Variants in GRIK2 observed in about 807,000 individuals in gnomAD.
GRIK2 encodes glutamate receptor ionotropic, kainate 2.
A neutral mutation model predicts 100.3 loss-of-function variants in GRIK2; 32 were observed. That is an observed-to-expected ratio of 0.32 (90% CI 0.24 to 0.43). The LOEUF is 0.43. Ranked by LOEUF, GRIK2 falls within the 20% of genes least tolerant of loss-of-function variation. The probability of loss-of-function intolerance (pLI) is 1.00; values close to 1 mark genes in which losing one functional copy is unlikely to be tolerated. For synonymous variants in GRIK2, 417 were observed against 389.4 expected (o/e 1.07, Z -0.83); for missense variants, 843 against 1,114.9 (o/e 0.76, Z 3.47).
At chr6:101,672,071 G>A (rs1268062153) in intron 4 of GRIK2, among the ~76,000 whole-genome samples, 2 of 152,054 alleles carry the variant, frequency 1.3e-5, no homozygotes, top group African/African-American at 2.4e-5. Context: ...AAGGGTATTA[G>A]ATATGGCTAG....
intron 2 of GRIK2, among the ~76,000 whole-genome samples, chr6:101,598,135 A>G (rs942914197): frequency 6.6e-6 from 1 of 151,714 alleles, no homozygotes; most frequent in Non-Finnish European, 1.5e-5. Flanking sequence ...AGTCATTTGG[A>G]TAATGCTCTC....
Position 101,477,986 on chromosome 6 carries a change from CACTACATGAA to C in GRIK2, c.115+78598_115+78607del, listed in dbSNP as rs1445601549. 2.0e-5 allele frequency among the ~76,000 whole-genome samples: 3 copies of C among 152,228 alleles called. No individual in the cohort carries two copies. In the East Asian group the frequency reaches 5.8e-4, roughly 29 times the overall value. On this transcript the variant is annotated intron_variant, in intron 2 of 16. Transcript: ENST00000369134. ...TGAAACATATACTGTCTGTGCCAGA[CACTACATGAA>C]ACTTAAGTTTAGATGGCTCAGTGAG...
intron 7 of GRIK2, among the ~76,000 whole-genome samples, chr6:101,710,251 G>T (rs1049386739): frequency 2.6e-5 from 4 of 151,766 alleles, no homozygotes; most frequent in Non-Finnish European, 5.9e-5. Flanking sequence ...GGCAGTAAAG[G>T]TGAGATGGAA....
At chr6:101,545,874 A>G (rs2128290273) in intron 2 of GRIK2, among the ~76,000 whole-genome samples, 1 of 151,890 alleles carries the variant, frequency 6.6e-6, no homozygotes, top group East Asian at 1.9e-4. Flanking sequence ...TTGATTTCTT[A>G]CTTTAACTCC....
chr6:101,751,286 AT>A (rs1442224966), intron 7 of GRIK2, among the ~76,000 whole-genome samples: 1 of 151,872 alleles, frequency 6.6e-6, no homozygotes, highest in Non-Finnish European at 1.5e-5. Context: ...ATTATGGGGA[AT>A]TTTAAATATG....
At chr6:101,963,509 C>T (rs373987224) in intron 14 of GRIK2, among the ~76,000 whole-genome samples, 45 of 106,054 alleles carry the variant, frequency 4.2e-4, no homozygotes, top group East Asian at 5.5e-4. Flanking sequence ...TTCTTTCTTT[C>T]TTTTTTTTTT....
intron 9 of GRIK2, among the ~76,000 whole-genome samples, chr6:101,808,817 C>T (rs908580135): frequency 1.3e-5 from 2 of 151,460 alleles, no homozygotes; most frequent in Admixed American, 6.6e-5. Context: ...TGCTGAGGGA[C>T]CTTGAAGCAT....
intron 2 of GRIK2, among the ~76,000 whole-genome samples, chr6:101,614,499 G>GA: frequency 6.6e-6 from 1 of 151,284 alleles, no homozygotes; most frequent in Non-Finnish European, 1.5e-5. Context: ...TGCCTAAGGA[G>GA]AAAAAAATGA....
Position 101,762,141 on chromosome 6 carries a change from C to T in GRIK2, c.952-37507C>T, listed in dbSNP as rs1457422211. ...CCTCCCTTCCTTTCCTTCCTCCCTC[C>T]CTTCCTCTTCCTCTGTCTCTGTCTC... On this transcript the variant is annotated intron_variant, in intron 7 of 16. Transcript: ENST00000369134. 3.2e-4 allele frequency among the ~76,000 whole-genome samples: 44 copies of T among 137,936 alleles called. 1 individual carries two copies. The highest frequency in any genetic ancestry group is 1.3e-3 in the African/African-American group (42 of 32,140). 90.5% of individuals were successfully genotyped at this position (137,936 alleles called of 152,430 possible).
chr6:101,980,168 A>G (rs1452123181), intron 14 of GRIK2, among the ~76,000 whole-genome samples: 1 of 151,958 alleles, frequency 6.6e-6, no homozygotes, highest in Non-Finnish European at 1.5e-5. Context: ...TCCCTGTTAT[A>G]TCCCATACCC....
chr6:101,693,426 A>G (rs529352656), intron 7 of GRIK2, among the ~76,000 whole-genome samples: 6 of 151,728 alleles, frequency 4.0e-5, no homozygotes, highest in South Asian at 2.1e-4. Flanking sequence ...ATATTTAAAA[A>G]TGTAGGGGAG....
Position 101,928,528 on chromosome 6 carries a change from G to A in GRIK2, c.1981G>A (p.Val661Met). Residue 661 changes from valine to methionine, a missense_variant, in exon 14 of 17, where the codon GTG (valine) becomes ATG (methionine). Val to Met is a conservative substitution (Grantham distance 21). Around this residue, in one of 3 missense-constraint regions of GRIK2, gnomAD observed 237 missense variants for 388.0 expected, o/e 0.61. Transcript: ENST00000369134. ...YTANLAAFLTVERMESPIDSA... is the reference protein window; with the variant it reads ...YTANLAAFLTMERMESPIDSA... ...TGCTAACTTAGCCGCCTTTCTGACA[G>A]TGGAACGCATGGAATCCCCTATTGA... The A allele has an allele frequency of 6.2e-7, 1 of 1,604,936 alleles. No homozygotes were observed. The highest frequency in any genetic ancestry group is 8.5e-7 in the Non-Finnish European group (1 of 1,171,690).
intron 15 of GRIK2, among the ~76,000 whole-genome samples, chr6:102,042,431 A>G (rs1003000465): frequency 1.3e-5 from 2 of 151,654 alleles, no homozygotes; most frequent in African/African-American, 4.8e-5. Flanking sequence ...AATAGAGAAA[A>G]ATGCAATATT....
rs191016075 is a variant in GRIK2 at position 101,595,978 on chromosome 6, T to A, written c.116-25971T>A. ...AAATTTTTTTTTTTTTTTGCTTTTT[T>A]AAATTTCAGCTGCAAATCCATGAAG... On this transcript the variant is annotated intron_variant, in intron 2 of 16. Transcript: ENST00000369134. Among the ~76,000 whole-genome samples, 24 of 150,866 alleles carry A rather than the reference T, an allele frequency of 1.6e-4. No homozygotes were observed. In the East Asian group the frequency reaches 4.7e-3, roughly 30 times the overall value.
chr6:101,556,321 A>ATT (rs10528480), intron 2 of GRIK2, among the ~76,000 whole-genome samples: 938 of 59,276 alleles, frequency 0.016, 199 homozygotes, highest in Non-Finnish European at 0.025. Flanking sequence ...TATATTGGTA[A>ATT]TTTTTTTTTT....
chr6:101,692,608 T>C (rs1273605041), intron 7 of GRIK2, among the ~76,000 whole-genome samples: 2 of 152,108 alleles, frequency 1.3e-5, no homozygotes, highest in Non-Finnish European at 2.9e-5. Context: ...TGGATCTTCT[T>C]TCCTGTCTTC....
intron 7 of GRIK2, among the ~76,000 whole-genome samples, chr6:101,734,467 C>T (rs1050165033): frequency 6.6e-5 from 10 of 152,180 alleles, no homozygotes; most frequent in African/African-American, 1.4e-4. Flanking sequence ...ATAAGGCCCA[C>T]CTATAATACA....
At chr6:101,970,302 G>C (rs1048858782) in intron 14 of GRIK2, among the ~76,000 whole-genome samples, 8 of 151,850 alleles carry the variant, frequency 5.3e-5, no homozygotes, top group Non-Finnish European at 1.2e-4. Context: ...CAAAATTTGG[G>C]CTTGGCCCAG....
At chr6:101,453,954 T>C (rs1434949120) in intron 2 of GRIK2, among the ~76,000 whole-genome samples, 2 of 151,964 alleles carry the variant, frequency 1.3e-5, no homozygotes, top group South Asian at 2.1e-4. Flanking sequence ...GAACAAAGCA[T>C]AAGATATAAA....
Sources: allele counts gnomAD v4.1 joint callset (sites outside exome capture counted in the v4.1 genomes callset), GRCh38; gene constraint gnomAD v4.1.1; regional missense constraint gnomAD v4.1.1; transcripts MANE v1.5; gene names NCBI Gene and HGNC (gene_info 2026-07-23, HGNC 2026-07-21).